Variants in FBXO45 observed in about 807,000 individuals in gnomAD.
FBXO45 encodes the protein F-box protein 45.
A neutral mutation model predicts 25.5 loss-of-function variants in FBXO45; 3 were observed. The ratio of observed to expected loss-of-function variants is 0.12; its 90% CI spans 0.05 to 0.30. The LOEUF is 0.30. Among genes scored for constraint, FBXO45 ranks in the 10% least tolerant of loss-of-function variants. The pLI, the probability that FBXO45 is intolerant of heterozygous loss-of-function variation, is 1.00. For missense variants in FBXO45, 219 were observed against 365.0 expected (o/e 0.60, Z 3.26); for synonymous variants, 155 against 149.8 (o/e 1.03, Z -0.25).
intron 2 of FBXO45, among the ~76,000 whole-genome samples, chr3:196,580,207 T>TG (rs1309664893): frequency 6.7e-6 from 1 of 150,348 alleles, no homozygotes; most frequent in Non-Finnish European, 1.5e-5. Flanking sequence ...TTTCTTTTTT[T>TG]TTTTTTTCTC....
rs774780427 is a variant in FBXO45, at chr3:196,577,668, C to T, written c.534C>T (p.Ala178=). The change falls in exon 2 of 3, where the codon GCC becomes GCT. Residue 178 remains alanine, a synonymous_variant. Transcript: ENST00000311630. ...TGATTGGAATTGCCACAAAACGGGC[C>T]CCCATGCAGTGCCAAGGTTATGTGG... The part of the protein sequence containing the change: ...VAVIGIATKR[A]PMQCQGYVAL... 2.5e-6 allele frequency: 4 copies of T among 1,613,730 alleles called. No individual in the cohort carries two copies. The Admixed American group carries it at 6.7e-5, about 27-fold the overall frequency.
chr3:196,581,023 G>A (rs1736001246), intron 2 of FBXO45, among the ~76,000 whole-genome samples: 1 of 151,966 alleles, frequency 6.6e-6, no homozygotes. Context: ...CTGAGCTCAA[G>A]CAGCTGCCTG....
rs1426301093 is a variant in FBXO45, at chr3:196,585,000, G to C, written c.*682G>C. ...TGGGGACAACTGGGTTAACTACAAA[G>C]AAGAGGATTTTAAGAGGAGATGTGT... On this transcript the variant is annotated 3_prime_UTR_variant, in exon 3 of 3. Coordinates refer to ENST00000311630, the MANE Select transcript of FBXO45 (RefSeq NM_001105573.2). The surrounding 1 kb of genome is among the most constrained non-coding windows in gnomAD (Gnocchi z 4.3). The C allele has an allele frequency of 1.3e-5, 2 of 152,148 alleles. No individual in the cohort carries two copies. Among genetic ancestry groups the C allele is most frequent in the Admixed American group, 6.5e-5 (1 of 15,268 alleles). The allele number at this position is 152,148 out of a possible 1,614,324, so 9.4% of individuals were successfully genotyped here. A position where few individuals can be genotyped will look rare whatever the true frequency, so the allele number is the denominator to read the frequency against.
At chr3:196,580,319 C>T (rs1048748888) in intron 2 of FBXO45, among the ~76,000 whole-genome samples, 2 of 151,796 alleles carry the variant, frequency 1.3e-5, no homozygotes, top group Admixed American at 6.6e-5. Context: ...TCAAGCAGTT[C>T]TCCTACCTCA....
chr3:196,578,632 C>G (rs1348566284), intron 2 of FBXO45, among the ~76,000 whole-genome samples: 1 of 151,920 alleles, frequency 6.6e-6, no homozygotes, highest in Non-Finnish European at 1.5e-5. Flanking sequence ...TTCCATAGAC[C>G]TTATTTATGG....
chr3:196,578,809 T>C (rs1051797739), intron 2 of FBXO45, among the ~76,000 whole-genome samples: 3 of 152,204 alleles, frequency 2.0e-5, no homozygotes, highest in African/African-American at 7.2e-5. Flanking sequence ...AATTTTTTTT[T>C]TTAAAGCTGA....
chr3:196,578,367 T>C (rs1735953810), intron 2 of FBXO45, among the ~76,000 whole-genome samples: 1 of 152,166 alleles, frequency 6.6e-6, no homozygotes, highest in Non-Finnish European at 1.5e-5. Flanking sequence ...TTTAAATAAA[T>C]GTATAAATGA....
intron 1 of FBXO45, among the ~76,000 whole-genome samples, chr3:196,576,759 G>A (rs918034402): frequency 6.6e-6 from 1 of 152,100 alleles, no homozygotes; most frequent in Non-Finnish European, 1.5e-5. Context: ...TATTTGATTT[G>A]GTAAAATGAG....
chr3:196,572,815 G>T (rs1487157620), intron 1 of FBXO45, among the ~76,000 whole-genome samples: 1 of 152,192 alleles, frequency 6.6e-6, no homozygotes, highest in African/African-American at 2.4e-5. Flanking sequence ...GGCAGATTTA[G>T]TAAGTAAAAT....
At chr3:196,583,688 G>T (rs1736056588) in intron 2 of FBXO45, among the ~76,000 whole-genome samples, 1 of 152,122 alleles carries the variant, frequency 6.6e-6, no homozygotes, top group Middle Eastern at 3.2e-3. Flanking sequence ...CATTTAAATT[G>T]TAAGTAATTA....
At chr3:196,577,832 A>G (rs1387564147) in intron 2 of FBXO45, 23 bp downstream of exon 2, 5 of 1,494,698 alleles carry the variant, frequency 3.3e-6, no homozygotes, top group Non-Finnish European at 1.8e-6. Flanking sequence ...GGTTTTTCTC[A>G]AGTATGGGCC....
intron 2 of FBXO45, among the ~76,000 whole-genome samples, chr3:196,581,879 C>CA (rs1736017264): frequency 6.6e-6 from 1 of 152,194 alleles, no homozygotes; most frequent in Non-Finnish European, 1.5e-5. Context: ...TGCCTATACT[C>CA]AAACTATAAA....
In FBXO45 at chr3:196,571,691, C is replaced by T. The variant is rs373867828; in HGVS notation, c.318+2389C>T. On this transcript the variant is annotated intron_variant, in intron 1 of 2. Transcript: ENST00000311630. Reference sequence around the variant, plus strand: ...TTTTCCTTTCATCCTTGTCGCTCAGCTACCCGGTTCCTCTCCATGTATGCA... The same window carrying T: ...TTTTCCTTTCATCCTTGTCGCTCAGTTACCCGGTTCCTCTCCATGTATGCA... Among the ~76,000 whole-genome samples, 16 of 152,224 alleles carry T rather than the reference C, an allele frequency of 1.1e-4. No individual in the cohort carries two copies. In the East Asian group the frequency reaches 1.5e-3, roughly 15 times the overall value.
intron 2 of FBXO45, among the ~76,000 whole-genome samples, chr3:196,580,738 C>A (rs143721028): frequency 2.0e-5 from 3 of 151,780 alleles, no homozygotes; most frequent in African/African-American, 4.8e-5. Flanking sequence ...TTCCCCCAAC[C>A]TTGTTTCTCT....
At chr3:196,577,142 C>A (rs551958979) in intron 1 of FBXO45, among the ~76,000 whole-genome samples, 5 of 152,138 alleles carry the variant, frequency 3.3e-5, no homozygotes, top group African/African-American at 1.2e-4. Context: ...TATCCATAAA[C>A]GTTTCAGTAT....
chr3:196,578,301 C>T (rs376765346), intron 2 of FBXO45, among the ~76,000 whole-genome samples: 3 of 152,014 alleles, frequency 2.0e-5, no homozygotes, highest in Non-Finnish European at 4.4e-5. Flanking sequence ...TCCCAAAGTG[C>T]TGGGATTACA....
At chr3:196,583,272 C>G (rs13076154) in intron 2 of FBXO45, among the ~76,000 whole-genome samples, 5 of 152,188 alleles carry the variant, frequency 3.3e-5, no homozygotes, top group Non-Finnish European at 7.3e-5. Context: ...CTTTGGGAGG[C>G]TGAGGCAGGT....
intron 1 of FBXO45, among the ~76,000 whole-genome samples, chr3:196,570,381 G>T (rs1341934339): frequency 6.6e-6 from 1 of 151,750 alleles, no homozygotes; most frequent in African/African-American, 2.4e-5. Context: ...GGGATTACAG[G>T]CATGCGCCAC....
intron 2 of FBXO45, among the ~76,000 whole-genome samples, chr3:196,583,186 A>C (rs1323363325): frequency 1.3e-5 from 2 of 152,134 alleles, no homozygotes; most frequent in African/African-American, 4.8e-5. Flanking sequence ...ATATATCAAA[A>C]TTTCATTTCT....
Sources: allele counts gnomAD v4.1 joint callset (sites outside exome capture counted in the v4.1 genomes callset), GRCh38; gene constraint gnomAD v4.1.1; non-coding constraint Gnocchi (gnomAD v3.1); transcripts MANE v1.5; gene names NCBI Gene and HGNC (gene_info 2026-07-23, HGNC 2026-07-21).